Variants in MRTFB observed in about 807,000 individuals in gnomAD.
MRTFB encodes myocardin related transcription factor B.
In MRTFB, 29 loss-of-function variants were observed where a neutral mutation model predicts 104.2. The observed-to-expected ratio is 0.28, with a 90% CI of 0.21 to 0.38. The LOEUF (loss-of-function observed/expected upper bound fraction) is 0.38, where lower values mean the gene tolerates loss of function less well. Ranked by LOEUF, MRTFB falls within the 10% of genes least tolerant of loss-of-function variation. The pLI, the probability that MRTFB is intolerant of heterozygous loss-of-function variation, is 1.00. For synonymous variants in MRTFB, 535 were observed against 519.5 expected (o/e 1.03, Z -0.41); for missense variants, 1,270 against 1,341.6 (o/e 0.95, Z 0.83).
intron 2 of MRTFB, among the ~76,000 whole-genome samples, chr16:14,091,170 A>G (rs2035042867): frequency 6.6e-6 from 1 of 152,142 alleles, no homozygotes; most frequent in African/African-American, 2.4e-5. Context: ...ACACGAGTCC[A>G]GGTGACAGTT....
At chr16:14,025,830 C>A in the MRTFB span, among the ~76,000 whole-genome samples, 1 of 152,046 alleles carries the variant, frequency 6.6e-6, no homozygotes, top group Admixed American at 6.6e-5. Flanking sequence ...CATATATTAG[C>A]AATGAACAAT....
At chr16:14,018,237 C>T in the MRTFB span, among the ~76,000 whole-genome samples, 1 of 152,126 alleles carries the variant, frequency 6.6e-6, no homozygotes, top group African/African-American at 2.4e-5. Context: ...ATCCTGGCTC[C>T]ACCGCTTATA....
chr16:14,202,790 A>T (rs2040766414), intron 3 of MRTFB, among the ~76,000 whole-genome samples: 1 of 152,240 alleles, frequency 6.6e-6, no homozygotes, highest in Non-Finnish European at 1.5e-5. Context: ...TTTGGCCACC[A>T]CACTGCTATC....
chr16:14,185,852 T>C (rs1170209108), intron 3 of MRTFB, among the ~76,000 whole-genome samples: 1 of 152,238 alleles, frequency 6.6e-6, no homozygotes, highest in East Asian at 1.9e-4. Context: ...GGAGACTGGC[T>C]TATCTCCACA....
chr16:14,210,426 C>A, intron 4 of MRTFB, 118 bp downstream of exon 4: 1 of 713,942 alleles, frequency 1.4e-6, no homozygotes, highest in Non-Finnish European at 2.2e-6. Context: ...AAACAATTAC[C>A]AAATGAATTT....
At chr16:14,184,618 G>A (rs985877388) in intron 3 of MRTFB, among the ~76,000 whole-genome samples, 1 of 151,890 alleles carries the variant, frequency 6.6e-6, no homozygotes, top group East Asian at 1.9e-4. Context: ...AATAAAGTTG[G>A]CTGCTATTAT....
chr16:14,140,021 G>T (rs568335774), intron 2 of MRTFB, among the ~76,000 whole-genome samples: 52 of 152,300 alleles, frequency 3.4e-4, no homozygotes, highest in African/African-American at 1.2e-3. Flanking sequence ...TGACTTAAAA[G>T]TTTGTTTCTT....
Position 14,218,388 on chromosome 16 carries a change from C to T in MRTFB, c.515-432C>T, listed in dbSNP as rs546644734. ...ACGTGTTTTTTTAACAGTTGGATTT[C>T]CTGTCAGGATCCAAACAAGGTCCAC... On this transcript the variant is annotated intron_variant, in intron 7 of 16. Transcript: ENST00000571589. 4.7e-4 allele frequency among the ~76,000 whole-genome samples: 72 copies of T among 152,220 alleles called. 1 individual carries two copies. The South Asian group carries it at 0.014, about 30-fold the overall frequency.
intron 10 of MRTFB, among the ~76,000 whole-genome samples, chr16:14,243,116 G>A (rs1385420819): frequency 6.6e-6 from 1 of 152,116 alleles, no homozygotes; most frequent in African/African-American, 2.4e-5. Context: ...GAGAAACACT[G>A]ATTTAAAGAA....
intron 3 of MRTFB, among the ~76,000 whole-genome samples, chr16:14,180,164 A>G (rs2039720620): frequency 6.6e-6 from 1 of 152,262 alleles, no homozygotes; most frequent in East Asian, 1.9e-4. Context: ...TAAAAGCTCT[A>G]GACCATATTC....
At chr16:14,129,860 G>A (rs376808960) in intron 2 of MRTFB, among the ~76,000 whole-genome samples, 32 of 152,092 alleles carry the variant, frequency 2.1e-4, no homozygotes, top group African/African-American at 5.8e-4. Context: ...ATGGAGTTTC[G>A]CTCTGTTGCC....
chr16:14,252,350 CTTTA>C lies in MRTFB; in HGVS notation c.2566-11_2566-8del. On this transcript the variant is annotated splice_polypyrimidine_tract_variant and intron_variant, in intron 14 of 16. Transcript: ENST00000571589. The stretch of plus-strand genomic sequence containing the variant: ...TGCCAAGAGGTAATGTGCACTCCTC[CTTTA>C]TTTGACACAGCCTAGTTCACCCCCG... 2 of 1,611,316 alleles carry C rather than the reference CTTTA, an allele frequency of 1.2e-6. No homozygotes were observed. Among genetic ancestry groups the C allele is most frequent in the Non-Finnish European group, 1.7e-6 (2 of 1,178,300 alleles).
At chr16:14,026,781 A>C in the MRTFB span, among the ~76,000 whole-genome samples, 1 of 152,254 alleles carries the variant, frequency 6.6e-6, no homozygotes, top group African/African-American at 2.4e-5. Flanking sequence ...TATGGTTGGC[A>C]TACAAGCACA....
At chr16:14,163,833 CA>C (rs71715684) in intron 3 of MRTFB, among the ~76,000 whole-genome samples, 21,026 of 101,992 alleles carry the variant, frequency 0.21, 4,755 homozygotes, top group African/African-American at 0.56. Context: ...AACTCTGTCT[CA>C]AAAAAAAAAA....
intron 12 of MRTFB, 114 bp from the exon 13 acceptor site, chr16:14,248,799 ATCTGTAACCTTGG>A: frequency 1.1e-6 from 1 of 923,240 alleles, no homozygotes; most frequent in African/African-American, 1.7e-5. Context: ...TGAAGTGTGT[ATCTGTAACCTTGG>A]TCTTATTTCA....
At chr16:14,144,540 A>T (rs2038192756) in intron 3 of MRTFB, 1 of 152,212 alleles carries the variant, frequency 6.6e-6, no homozygotes, top group South Asian at 2.1e-4. Flanking sequence ...CTAAGATAGT[A>T]GATTTTAAGT....
intron 3 of MRTFB, 129 bp from the exon 4 acceptor site, chr16:14,210,114 T>G (rs932172973): frequency 4.9e-6 from 3 of 616,228 alleles, no homozygotes; most frequent in Admixed American, 6.1e-5. Context: ...TGGTGCCAGG[T>G]AATATCCTTC....
At chr16:14,051,156 A>G in the MRTFB span, among the ~76,000 whole-genome samples, 2 of 152,132 alleles carry the variant, frequency 1.3e-5, no homozygotes, top group Non-Finnish European at 2.9e-5. Flanking sequence ...GCAGACAGAC[A>G]CAACAGTACA....
intron 7 of MRTFB, among the ~76,000 whole-genome samples, chr16:14,218,471 T>G (rs1206699253): frequency 6.6e-6 from 1 of 152,198 alleles, no homozygotes; most frequent in Non-Finnish European, 1.5e-5. Flanking sequence ...GATCTTTTTT[T>G]TTTCTTATTT....
Sources: allele counts gnomAD v4.1 joint callset (sites outside exome capture counted in the v4.1 genomes callset), GRCh38; gene constraint gnomAD v4.1.1; transcripts MANE v1.5; gene names NCBI Gene and HGNC (gene_info 2026-07-23, HGNC 2026-07-21).